RBPJ: variants seen among roughly 807,000 people sequenced by gnomAD.
The protein encoded by RBPJ is recombination signal binding protein for immunoglobulin kappa J region.
RBPJ carries 9 observed loss-of-function variants against 67.8 expected under a neutral mutation model. That is an observed-to-expected ratio of 0.13 (90% CI 0.08 to 0.23). The LOEUF (loss-of-function observed/expected upper bound fraction) is 0.23. RBPJ is among the 10% of genes least tolerant of loss of function. The pLI is 1.00. For synonymous variants in RBPJ, 198 were observed against 203.3 expected (o/e 0.97, Z 0.22); for missense variants, 305 against 595.6 (o/e 0.51, Z 5.08).
intron 1 of RBPJ, among the ~76,000 whole-genome samples, chr4:26,223,016 G>A (rs1215848308): frequency 1.3e-5 from 2 of 151,972 alleles, no homozygotes; most frequent in Non-Finnish European, 2.9e-5. Flanking sequence ...TTAGCTGGGT[G>A]TGGTGGTGTG....
At chr4:26,162,275 CAG>C (rs1040698792), upstream of RBPJ, among the ~76,000 whole-genome samples, 1 of 152,200 alleles carries the variant, frequency 6.6e-6, no homozygotes, top group African/African-American at 2.4e-5. Context: ...TTGCCTGTGA[CAG>C]GGGATTCCCT....
At chr4:26,122,175 A>G in the RBPJ span, among the ~76,000 whole-genome samples, 3 of 152,180 alleles carry the variant, frequency 2.0e-5, no homozygotes, top group Non-Finnish European at 2.9e-5. Context: ...ATAAACCCCA[A>G]TGAGGATAAA....
chr4:26,214,727 GAA>G (rs1718587897), intron 1 of RBPJ, among the ~76,000 whole-genome samples: 1 of 125,390 alleles, frequency 8.0e-6, no homozygotes, highest in African/African-American at 3.0e-5. Context: ...GAGAGAGAAA[GAA>G]AGAGGGAAGA....
At chr4:26,174,551 C>A (rs946509911) in intron 1 of RBPJ, among the ~76,000 whole-genome samples, 1 of 152,152 alleles carries the variant, frequency 6.6e-6, no homozygotes, top group Non-Finnish European at 1.5e-5. Flanking sequence ...CTCACGGCAA[C>A]CTCCGCCTCC....
intron 1 of RBPJ, among the ~76,000 whole-genome samples, chr4:26,361,058 CGTGTGT>C (rs55870302): frequency 8.7e-5 from 13 of 148,770 alleles, no homozygotes; most frequent in East Asian, 2.0e-4. Context: ...AGTGTGTGTG[CGTGTGT>C]GTGTGTGTGT....
upstream of RBPJ, chr4:26,320,913 G>T: frequency 6.2e-7 from 1 of 1,600,094 alleles, no homozygotes; most frequent in Non-Finnish European, 8.5e-7. Context: ...AAGGGAGCGC[G>T]GGGGCTGGGT....
chr4:26,294,053 C>T (rs752315561), intron 1 of RBPJ, among the ~76,000 whole-genome samples: 11 of 150,696 alleles, frequency 7.3e-5, no homozygotes, highest in Non-Finnish European at 1.3e-4. Flanking sequence ...CCATGGCACC[C>T]GGCCAGGAAG....
intron 1 of RBPJ, among the ~76,000 whole-genome samples, chr4:26,366,337 A>C (rs925810931): frequency 1.3e-5 from 2 of 152,066 alleles, no homozygotes; most frequent in Admixed American, 1.3e-4. Flanking sequence ...TTAGTTTGCT[A>C]TAAAACTTTG....
intron 1 of RBPJ, among the ~76,000 whole-genome samples, chr4:26,328,444 A>G (rs1723882196): frequency 6.6e-6 from 1 of 152,180 alleles, no homozygotes; most frequent in African/African-American, 2.4e-5. Context: ...TGTGTAAGGG[A>G]GATTATGGTA....
chr4:26,137,289 C>T, the RBPJ span, among the ~76,000 whole-genome samples: 1 of 152,124 alleles, frequency 6.6e-6, no homozygotes, highest in Non-Finnish European at 1.5e-5. Context: ...ATCTTGTCCC[C>T]CAAAGTTGTA....
At chr4:26,161,590 TC>T (rs1716079153), upstream of RBPJ, among the ~76,000 whole-genome samples, 1 of 152,148 alleles carries the variant, frequency 6.6e-6, no homozygotes, top group Non-Finnish European at 1.5e-5. Context: ...GGGTCCCTTG[TC>T]CTCAGGAAAG....
intron 1 of RBPJ, among the ~76,000 whole-genome samples, chr4:26,239,855 C>G (rs993188788): frequency 5.3e-5 from 8 of 152,082 alleles, no homozygotes; most frequent in African/African-American, 1.7e-4. Context: ...CTGTTTCATT[C>G]TCTATTTTCA....
In RBPJ at chr4:26,280,395, CAAAAAA is replaced by C. The variant is rs11295196; in HGVS notation, c.-166-82035_-166-82030del. ...TGGGTGACAGAGCAACACTTCATCT[CAAAAAA>C]AAAAAAAAAAAAAAAGAGAGAGAGA... On this transcript the variant is annotated intron_variant, in intron 1 of 4. Coordinates refer to the RBPJ transcript ENST00000512351. 5.8e-5 allele frequency among the ~76,000 whole-genome samples: 5 copies of C among 86,816 alleles called. No homozygotes were observed. The East Asian group carries it at 1.0e-3, about 18-fold the overall frequency. 57.0% of individuals were successfully genotyped at this position (86,816 alleles called of 152,430 possible).
At chr4:26,208,662 AT>A (rs1718253965) in intron 1 of RBPJ, among the ~76,000 whole-genome samples, 1 of 152,122 alleles carries the variant, frequency 6.6e-6, no homozygotes, top group African/African-American at 2.4e-5. Flanking sequence ...ACAGACCACG[AT>A]TTGCACAATT....
chr4:26,377,095 C>T (rs893955933), intron 1 of RBPJ, among the ~76,000 whole-genome samples: 5 of 152,142 alleles, frequency 3.3e-5, no homozygotes, highest in African/African-American at 1.2e-4. Flanking sequence ...TTCGGTTTCA[C>T]AGTATTCATT....
intron 1 of RBPJ, among the ~76,000 whole-genome samples, chr4:26,354,814 T>C (rs979583939): frequency 5.3e-5 from 8 of 152,284 alleles, no homozygotes; most frequent in African/African-American, 7.2e-5. Flanking sequence ...TAATTGTATT[T>C]AGATTATTGT....
intron 1 of RBPJ, among the ~76,000 whole-genome samples, chr4:26,207,420 A>T (rs1051593009): frequency 1.3e-5 from 2 of 152,190 alleles, no homozygotes; most frequent in African/African-American, 4.8e-5. Context: ...GCACCTAGCC[A>T]AGTGGATTGC....
chr4:26,371,036 C>T (rs7690898), intron 1 of RBPJ, among the ~76,000 whole-genome samples: 2,883 of 150,872 alleles, frequency 0.019, 98 homozygotes, highest in African/African-American at 0.066. Context: ...GCCGAGATTG[C>T]GCCACTGCAC....
At chr4:26,249,595 A>G (rs1429588365) in intron 1 of RBPJ, among the ~76,000 whole-genome samples, 1 of 151,938 alleles carries the variant, frequency 6.6e-6, no homozygotes, top group Admixed American at 6.6e-5. Flanking sequence ...TGGGAGGCAG[A>G]GATTGCAGTG....
Sources: allele counts gnomAD v4.1 joint callset (sites outside exome capture counted in the v4.1 genomes callset), GRCh38; gene constraint gnomAD v4.1.1; transcripts MANE v1.5; gene names NCBI Gene and HGNC (gene_info 2026-07-23, HGNC 2026-07-21).